Variants in CENPH observed in about 807,000 individuals in gnomAD.
CENPH encodes the protein CENP-H.
In CENPH, 40 loss-of-function variants were observed where a neutral mutation model predicts 42.9. That is an observed-to-expected ratio of 0.93 (90% confidence interval 0.72 to 1.21). CENPH has a LOEUF of 1.21. Ranked by LOEUF, CENPH falls within the 50% of genes most tolerant of loss-of-function variation. The pLI is 0.00. For synonymous variants in CENPH, 88 were observed against 96.5 expected (o/e 0.91, Z 0.52); for missense variants, 302 against 292.9 (o/e 1.03, Z -0.23).
chr5:69,208,359 G>C lies in CENPH; in HGVS notation c.651G>C (p.Gln217His). 6.3e-7 allele frequency: 1 copy of C among 1,577,716 alleles called. No individual in the cohort carries two copies. The highest frequency in any genetic ancestry group is 8.7e-7 in the Non-Finnish European group (1 of 1,153,430). Residue 217 changes from glutamine to histidine, a missense_variant and splice_region_variant, in exon 8 of 9, where the codon CAG becomes CAC. Gln to His is a conservative substitution (Grantham distance 24). Coordinates refer to ENST00000283006, the MANE Select transcript of CENPH (RefSeq NM_022909.4). ...KITTVIQHVF[Q>H]NLILGSKVNW... ...CTACTGTTATTCAACATGTGTTCCA[G>C]GTAACATTTATATAAACTAGCAAGA...
chr5:69,189,714 A>G lies in CENPH; in HGVS notation c.80A>G (p.Gln27Arg), dbSNP rs779531643. ...GGEGRAGGPP[Q>R]VAGAQAACSE... ...GAAGGCCGGGCAGGCGGGCCACCGC[A>G]GGTCGCCGGCGCCCAGGCGGCGTGC... Residue 27 changes from glutamine (Q) to arginine (R), a missense_variant, in exon 1 of 9, where the codon CAG becomes CGG. Physicochemically the swap from Gln to Arg is conservative, Grantham distance 43. Coordinates refer to ENST00000283006, the MANE Select transcript of CENPH (RefSeq NM_022909.4). The G allele has an allele frequency of 1.3e-6, 2 of 1,565,350 alleles. No homozygotes were observed. The highest frequency in any genetic ancestry group is 1.4e-5 in the African/African-American group (1 of 73,952).
chr5:69,192,941 A>G (rs1342828547), intron 2 of CENPH, among the ~76,000 whole-genome samples: 2 of 151,892 alleles, frequency 1.3e-5, no homozygotes, highest in Non-Finnish European at 1.5e-5. Context: ...TACTAAAAAT[A>G]CAAAATTAGC....
In CENPH at chr5:69,209,179, C is replaced by T. The variant is rs1748208187; in HGVS notation, c.652-528C>T. Among the ~76,000 whole-genome samples the T allele has an allele frequency of 2.0e-5, 3 of 152,142 alleles. 1 individual carries two copies. The South Asian group carries it at 6.2e-4, about 31-fold the overall frequency. ...TTATTGTAAACATTGTAAATATTCC[C>T]TAACATTATGGAGATCAAGGCTAAA... On this transcript the variant is annotated intron_variant, in intron 8 of 8. Coordinates refer to ENST00000283006, the MANE Select transcript of CENPH (RefSeq NM_022909.4).
At chr5:69,208,148 T>G in intron 7 of CENPH, 48 bp from the exon 8 acceptor site, 1 of 972,500 alleles carries the variant, frequency 1.0e-6, no homozygotes, top group Non-Finnish European at 1.5e-6. Flanking sequence ...AGATCCTTGT[T>G]TATAGAGGTA....
In CENPH at chr5:69,194,569, C is replaced by T. The variant is rs941837491; in HGVS notation, c.191-78C>T. ...GACATTTTAAATGATGTCTTTTGCC[C>T]TTGTGGCTTACATTATATTCCTTTT... is the stretch of plus-strand genomic sequence containing the variant. On this transcript the variant is annotated intron_variant, in intron 2 of 8. Transcript: ENST00000283006. 2.6e-5 allele frequency: 20 copies of T among 768,018 alleles called. No homozygotes were observed. In the East Asian group the frequency reaches 4.7e-4, roughly 18 times the overall value. The allele number at this position is 768,018 out of a possible 1,614,324, so 47.6% of individuals were successfully genotyped here.
chr5:69,206,330 C>T (rs567377798), intron 7 of CENPH, among the ~76,000 whole-genome samples: 11 of 148,280 alleles, frequency 7.4e-5, no homozygotes, highest in East Asian at 2.1e-4. Flanking sequence ...TACAAGCGCC[C>T]GCCACCACTC....
chr5:69,189,821 A>G (rs1387416664), intron 1 of CENPH, 53 bp downstream of exon 1: 1 of 1,412,766 alleles, frequency 7.1e-7, no homozygotes, highest in Non-Finnish European at 9.2e-7. Context: ...GTGGCCCGGA[A>G]CTCCGCCCTT....
chr5:69,209,867 C>A lies in CENPH; in HGVS notation c.*68C>A. Reference sequence around the variant, plus strand: ...AACTCTTATTTGGAATACTTCTGTGCATTTGTCTGTCCACCGTAATTTTAG... The same window carrying A: ...AACTCTTATTTGGAATACTTCTGTGAATTTGTCTGTCCACCGTAATTTTAG... On this transcript the variant is annotated 3_prime_UTR_variant, in exon 9 of 9. Coordinates refer to ENST00000283006, the MANE Select transcript of CENPH (RefSeq NM_022909.4). 1 of 872,918 alleles carries A rather than the reference C, an allele frequency of 1.1e-6. No homozygotes were observed. Among genetic ancestry groups the A allele is most frequent in the Non-Finnish European group, 1.9e-6 (1 of 526,818 alleles). 54.1% of individuals were successfully genotyped at this position (872,918 alleles called of 1,614,324 possible).
intron 5 of CENPH, among the ~76,000 whole-genome samples, chr5:69,197,953 C>T (rs1474054808): frequency 1.9e-5 from 2 of 107,214 alleles, no homozygotes; most frequent in East Asian, 6.1e-4. Context: ...GACAGTCTTG[C>T]TCTGTCGCCC....
At chr5:69,194,773 G>A (rs775897960) in intron 3 of CENPH, 78 bp downstream of exon 3, 117 of 902,972 alleles carry the variant, frequency 1.3e-4, no homozygotes, top group Non-Finnish European at 1.8e-4. Context: ...TTGTTAGATG[G>A]AGTCTCACTA....
intron 7 of CENPH, 100 bp from the exon 8 acceptor site, chr5:69,208,096 T>C (rs1748190013): frequency 3.4e-6 from 2 of 583,156 alleles, no homozygotes; most frequent in Admixed American, 7.6e-5. Flanking sequence ...ATTTTTCTCT[T>C]GACTAAAATA....
At chr5:69,190,039 C>T (rs1006066935) in intron 1 of CENPH, among the ~76,000 whole-genome samples, 5 of 152,184 alleles carry the variant, frequency 3.3e-5, no homozygotes, top group Non-Finnish European at 7.3e-5. Flanking sequence ...AATTTCTCCT[C>T]CTGTTTCCCC....
chr5:69,201,551 T>C (rs1318254930), intron 5 of CENPH, among the ~76,000 whole-genome samples: 1 of 152,232 alleles, frequency 6.6e-6, no homozygotes, highest in Non-Finnish European at 1.5e-5. Context: ...CATGTAATTA[T>C]ACATATGTCA....
intron 1 of CENPH, among the ~76,000 whole-genome samples, chr5:69,191,180 C>T (rs1452218496): frequency 6.6e-6 from 1 of 152,032 alleles, no homozygotes; most frequent in Non-Finnish European, 1.5e-5. Flanking sequence ...TTGGTCTATT[C>T]TTTGTATAGC....
At chr5:69,202,724 A>C (rs1046114616) in intron 6 of CENPH, among the ~76,000 whole-genome samples, 155 bp downstream of exon 6, 1 of 152,096 alleles carries the variant, frequency 6.6e-6, no homozygotes, top group African/African-American at 2.4e-5. Context: ...TCAAAATTCT[A>C]TTATTTCTGA....
chr5:69,196,275 C>T (rs1306631930), intron 4 of CENPH, among the ~76,000 whole-genome samples: 2 of 152,152 alleles, frequency 1.3e-5, no homozygotes, highest in East Asian at 1.9e-4. Flanking sequence ...TACAGATGCT[C>T]CTCAATTTGC....
intron 1 of CENPH, among the ~76,000 whole-genome samples, chr5:69,190,340 T>A (rs181290114): frequency 3.9e-5 from 6 of 152,334 alleles, no homozygotes; most frequent in Middle Eastern, 3.4e-3. Flanking sequence ...GAATAGTTTT[T>A]ATGTTTAAGT....
At chr5:69,202,718 A>G in intron 6 of CENPH, 149 bp downstream of exon 6, 1 of 654,952 alleles carries the variant, frequency 1.5e-6, no homozygotes, top group Non-Finnish European at 2.6e-6. Flanking sequence ...TTTTTTTCAA[A>G]ATTCTATTAT....
intron 7 of CENPH, among the ~76,000 whole-genome samples, chr5:69,205,730 A>G (rs1245423180): frequency 1.2e-4 from 10 of 81,168 alleles, no homozygotes; most frequent in Admixed American, 5.5e-4. Context: ...TTTTTTTGAG[A>G]CGGAGTCTCG....
Sources: gnomAD v4.1 joint callset for allele counts (sites outside exome capture counted in the v4.1 genomes callset) on GRCh38, gnomAD v4.1.1 for gene constraint, MANE v1.5 for transcripts, NCBI Gene and HGNC (gene_info 2026-07-23, HGNC 2026-07-21) for gene names.